Variants in ZNF804B observed in about 807,000 individuals in gnomAD.
The protein encoded by ZNF804B is zinc finger protein 804B, also known as zinc finger 804B.
Under a neutral mutation model 101.4 loss-of-function variants are expected in ZNF804B, and 80 were observed. The ratio of observed to expected loss-of-function variants is 0.79; its 90% CI spans 0.66 to 0.95. The LOEUF is 0.95. Among genes scored for constraint, ZNF804B ranks in the 40% least tolerant of loss-of-function variants. The probability of loss-of-function intolerance (pLI) is 0.00; values close to 1 mark genes in which losing one functional copy is unlikely to be tolerated. For missense variants in ZNF804B, 1,673 were observed against 1,561.9 expected (o/e 1.07, Z -1.20); for synonymous variants, 622 against 558.8 (o/e 1.11, Z -1.59).
chr7:89,138,575 G>A (rs975170092), intron 1 of ZNF804B, among the ~76,000 whole-genome samples: 1 of 152,038 alleles, frequency 6.6e-6, no homozygotes, highest in Non-Finnish European at 1.5e-5. Context: ...TGTTGGGAAG[G>A]CATGATTGGT....
intron 1 of ZNF804B, among the ~76,000 whole-genome samples, chr7:88,907,315 G>A (rs955396829): frequency 1.3e-5 from 2 of 151,892 alleles, no homozygotes; most frequent in Non-Finnish European, 2.9e-5. Flanking sequence ...TTTAACTGGT[G>A]TGTTTTGCCC....
intron 1 of ZNF804B, among the ~76,000 whole-genome samples, chr7:89,078,810 C>A (rs1388027587): frequency 6.6e-6 from 1 of 151,812 alleles, no homozygotes; most frequent in African/African-American, 2.4e-5. Flanking sequence ...GTCTTTCTAA[C>A]CTCCCTTCTT....
chr7:89,085,137 G>C (rs563792690), intron 1 of ZNF804B, among the ~76,000 whole-genome samples: 3,775 of 46,200 alleles, frequency 0.082, 95 homozygotes, highest in Admixed American at 0.14. Context: ...TTTAGAATAT[G>C]CTCGCCAAAT....
At chr7:88,854,470 T>TCCTTTC (rs1491271803) in intron 1 of ZNF804B, among the ~76,000 whole-genome samples, 2 of 102,860 alleles carry the variant, frequency 1.9e-5, no homozygotes, top group African/African-American at 8.0e-5. Context: ...TTTCTTTCTT[T>TCCTTTC]CTTTCTCTTT....
At chr7:89,049,196 C>G (rs982292337) in intron 1 of ZNF804B, among the ~76,000 whole-genome samples, 5 of 152,126 alleles carry the variant, frequency 3.3e-5, no homozygotes, top group African/African-American at 4.8e-5. Flanking sequence ...AATGTTGAAT[C>G]AGCTTTTTTA....
chr7:89,321,432 T>A (rs1199420628), intron 2 of ZNF804B, among the ~76,000 whole-genome samples: 2 of 152,084 alleles, frequency 1.3e-5, no homozygotes, highest in Admixed American at 1.3e-4. Flanking sequence ...TGAGCTGAGA[T>A]TGCACCACTG....
rs1554340277 is a variant in ZNF804B at position 88,854,545 on chromosome 7, T to TTCCTTCCCTTCCCTTC, written c.108+94461_108+94462insTCCTTCCCTTCCCTTC. 1.5e-3 allele frequency among the ~76,000 whole-genome samples: 155 copies of TTCCTTCCCTTCCCTTC among 100,450 alleles called. 8 individuals are homozygous for TTCCTTCCCTTCCCTTC. Among genetic ancestry groups the TTCCTTCCCTTCCCTTC allele is most frequent in the East Asian group, 0.015 (36 of 2,436 alleles). The allele number at this position is 100,450 out of a possible 152,430, so 65.9% of individuals were successfully genotyped here. ...TCCTTCCTTTCCTTCCTTCCTTCCT[T>TTCCTTCCCTTCCCTTC]CCTTCCTTCCTTCCTTCCTTCCTTC... is the stretch of plus-strand genomic sequence containing the variant. On this transcript the variant is annotated intron_variant, in intron 1 of 3. Transcript: ENST00000333190.
chr7:89,210,121 C>G (rs1183681554), intron 1 of ZNF804B, among the ~76,000 whole-genome samples: 1 of 149,596 alleles, frequency 6.7e-6, no homozygotes, highest in Non-Finnish European at 1.5e-5. Context: ...GTACCCCAGC[C>G]TGGGTGAGAG....
chr7:89,295,877 C>A (rs926566040), intron 2 of ZNF804B, among the ~76,000 whole-genome samples: 1 of 152,064 alleles, frequency 6.6e-6, no homozygotes, highest in Admixed American at 6.6e-5. Context: ...CTGGAGGACA[C>A]TATTCTAAGT....
intron 1 of ZNF804B, among the ~76,000 whole-genome samples, chr7:88,785,532 A>G (rs1237490782): frequency 6.6e-6 from 1 of 152,106 alleles, no homozygotes; most frequent in Admixed American, 6.6e-5. Flanking sequence ...TAACCATAGT[A>G]TTTCTCTCAT....
At chr7:89,298,218 A>G (rs938204646) in intron 2 of ZNF804B, among the ~76,000 whole-genome samples, 362 of 39,984 alleles carry the variant, frequency 9.1e-3, no homozygotes, top group African/African-American at 0.018. Flanking sequence ...GTGTGTGTGT[A>G]TATATATATA....
chr7:89,023,895 A>G (rs1257856418), intron 1 of ZNF804B, among the ~76,000 whole-genome samples: 1 of 152,188 alleles, frequency 6.6e-6, no homozygotes, highest in Non-Finnish European at 1.5e-5. Flanking sequence ...CAGAATAGGA[A>G]GTTTTAAACT....
intron 2 of ZNF804B, among the ~76,000 whole-genome samples, chr7:89,263,520 A>G (rs1209216105): frequency 6.6e-6 from 1 of 152,068 alleles, no homozygotes; most frequent in Non-Finnish European, 1.5e-5. Context: ...CAAGTCTGCT[A>G]TGTTGAAATA....
chr7:89,074,256 A>T (rs2116302426), intron 1 of ZNF804B, among the ~76,000 whole-genome samples: 1 of 152,350 alleles, frequency 6.6e-6, no homozygotes, highest in Middle Eastern at 3.4e-3. Flanking sequence ...TCTAGGAGAA[A>T]ATAAATACAT....
intron 1 of ZNF804B, among the ~76,000 whole-genome samples, chr7:89,050,368 T>A (rs1166501100): frequency 6.6e-6 from 1 of 152,188 alleles, no homozygotes; most frequent in African/African-American, 2.4e-5. Flanking sequence ...TCATGTGGTC[T>A]AAAATGATTC....
intron 1 of ZNF804B, among the ~76,000 whole-genome samples, chr7:89,022,117 A>G (rs566033187): frequency 6.6e-6 from 1 of 152,192 alleles, no homozygotes; most frequent in Admixed American, 6.5e-5. Flanking sequence ...AGGAGACAGG[A>G]TAGTAGAGGC....
chr7:89,133,320 T>A (rs892851792), intron 1 of ZNF804B, among the ~76,000 whole-genome samples: 8 of 152,044 alleles, frequency 5.3e-5, no homozygotes, highest in African/African-American at 1.9e-4. Context: ...GCCCTGAAGA[T>A]GAGACTTCAG....
intron 1 of ZNF804B, among the ~76,000 whole-genome samples, chr7:88,907,272 T>C (rs1792487428): frequency 6.6e-6 from 1 of 152,034 alleles, no homozygotes; most frequent in African/African-American, 2.4e-5. Context: ...AGGTTGAGTC[T>C]TGTCTTTTTA....
At chr7:89,077,063 A>C (rs1337104325) in intron 1 of ZNF804B, among the ~76,000 whole-genome samples, 1 of 152,238 alleles carries the variant, frequency 6.6e-6, no homozygotes, top group Non-Finnish European at 1.5e-5. Flanking sequence ...GGGAGAATGG[A>C]GGATATCTGA....
Sources: gnomAD v4.1 joint callset for allele counts (sites outside exome capture counted in the v4.1 genomes callset) on GRCh38, gnomAD v4.1.1 for gene constraint, MANE v1.5 for transcripts, NCBI Gene and HGNC (gene_info 2026-07-23, HGNC 2026-07-21) for gene names.